The following BLTP3B variants were observed in gnomAD, a reference collection of about 807,000 sequenced individuals.
BLTP3B encodes bridge-like lipid transfer protein family member 3B, also known as UHRF1 (ICBP90) binding protein 1-like.
the BLTP3B span, among the ~76,000 whole-genome samples, chr12:100,131,957 T>C: frequency 6.6e-6 from 1 of 151,954 alleles, no homozygotes; most frequent in African/African-American, 2.4e-5. Flanking sequence ...GCCCGGCTAA[T>C]TTTTTGTATT....
At chr12:100,128,598 GA>G in the BLTP3B span, 3 of 1,269,742 alleles carry the variant, frequency 2.4e-6, no homozygotes, top group Admixed American at 2.5e-5. Flanking sequence ...AGGAAATTCA[GA>G]AAAAGGTCCC....
chr12:100,064,926 G>A, the BLTP3B span, among the ~76,000 whole-genome samples: 43,369 of 148,706 alleles, frequency 0.29, 9,201 homozygotes, highest in African/African-American at 0.6. Flanking sequence ...TACAAGCAAC[G>A]AATAGCATGA....
chr12:100,093,435 C>G, the BLTP3B span, among the ~76,000 whole-genome samples: 3 of 152,166 alleles, frequency 2.0e-5, no homozygotes, highest in Non-Finnish European at 4.4e-5. Flanking sequence ...CTTTAATAAT[C>G]TCTAATAGCT....
chr12:100,070,189 AAC>A, the BLTP3B span: 1 of 1,561,132 alleles, frequency 6.4e-7, no homozygotes, highest in African/African-American at 1.4e-5. Flanking sequence ...ACAAATGAGA[AAC>A]ACACACAGAT....
At chr12:100,054,293 A>T in the BLTP3B span, among the ~76,000 whole-genome samples, 1 of 152,212 alleles carries the variant, frequency 6.6e-6, no homozygotes, top group Non-Finnish European at 1.5e-5. Flanking sequence ...AGCCAAATAC[A>T]TAATATGACA....
At chr12:100,130,207 G>A in the BLTP3B span, among the ~76,000 whole-genome samples, 8 of 152,094 alleles carry the variant, frequency 5.3e-5, no homozygotes, top group East Asian at 3.9e-4. Flanking sequence ...TGATGCGCCC[G>A]CCTTGGCCTC....
the BLTP3B span, among the ~76,000 whole-genome samples, chr12:100,105,256 C>G: frequency 6.6e-6 from 1 of 152,126 alleles, no homozygotes; most frequent in Non-Finnish European, 1.5e-5. Context: ...CTATAGTAAC[C>G]AAAACAGCAT....
the BLTP3B span, among the ~76,000 whole-genome samples, chr12:100,081,480 C>T: frequency 6.6e-6 from 1 of 152,132 alleles, no homozygotes; most frequent in Non-Finnish European, 1.5e-5. Flanking sequence ...AACTGCGTGT[C>T]ACTGGGGTTT....
At chr12:100,077,184 T>C in the BLTP3B span, among the ~76,000 whole-genome samples, 2 of 152,226 alleles carry the variant, frequency 1.3e-5, no homozygotes, top group Non-Finnish European at 2.9e-5. Context: ...GTATTTACTG[T>C]ATTTTTACTG....
At chr12:100,063,477 T>C in the BLTP3B span, among the ~76,000 whole-genome samples, 1 of 151,848 alleles carries the variant, frequency 6.6e-6, no homozygotes, top group Admixed American at 6.6e-5. Flanking sequence ...GAGGTCAAGG[T>C]GGGTGGATCA....
chr12:100,125,070 G>T, the BLTP3B span, among the ~76,000 whole-genome samples: 2 of 145,800 alleles, frequency 1.4e-5, no homozygotes, highest in Non-Finnish European at 3.0e-5. Context: ...AGTGGCTCAC[G>T]CCTGTAATCC....
the BLTP3B span, chr12:100,102,795 T>C: frequency 3.6e-5 from 58 of 1,609,752 alleles, no homozygotes; most frequent in African/African-American, 6.6e-4. Context: ...CAATTGGTGA[T>C]GGGCCATTAG....
the BLTP3B span, among the ~76,000 whole-genome samples, chr12:100,100,369 G>A: frequency 6.6e-6 from 1 of 151,828 alleles, no homozygotes; most frequent in South Asian, 2.1e-4. Context: ...AACCTTTTCT[G>A]GTTCTCAGGG....
At chr12:100,099,265 A>C in the BLTP3B span, among the ~76,000 whole-genome samples, 10 of 151,202 alleles carry the variant, frequency 6.6e-5, no homozygotes, top group Non-Finnish European at 1.5e-5. Context: ...AAGTGATGGG[A>C]TTACAGGCGT....
the BLTP3B span, chr12:100,051,079 C>T: frequency 6.2e-7 from 1 of 1,612,634 alleles, no homozygotes; most frequent in Non-Finnish European, 8.5e-7. Context: ...TGATTATTAC[C>T]AGGTCATCAT....
the BLTP3B span, among the ~76,000 whole-genome samples, chr12:100,111,112 T>C: frequency 6.6e-6 from 1 of 152,122 alleles, no homozygotes; most frequent in African/African-American, 2.4e-5. Context: ...CACTATATTA[T>C]TAATACATAC....
the BLTP3B span, among the ~76,000 whole-genome samples, chr12:100,112,185 T>C: frequency 2.0e-5 from 3 of 152,160 alleles, no homozygotes; most frequent in South Asian, 6.2e-4. Flanking sequence ...AGGATTAAAA[T>C]ATATGTAATT....
At chr12:100,130,690 C>T in the BLTP3B span, among the ~76,000 whole-genome samples, 4 of 152,010 alleles carry the variant, frequency 2.6e-5, no homozygotes, top group Admixed American at 2.0e-4. Flanking sequence ...CCAAGGCAGG[C>T]GGATCACCTG....
At chr12:100,100,656 G>A in the BLTP3B span, among the ~76,000 whole-genome samples, 2 of 151,958 alleles carry the variant, frequency 1.3e-5, no homozygotes, top group East Asian at 1.9e-4. Flanking sequence ...AGGCTGCAGT[G>A]AGCCAAGATC....
Sources: allele counts gnomAD v4.1 joint callset (sites outside exome capture counted in the v4.1 genomes callset), GRCh38; gene constraint gnomAD v4.1.1; transcripts MANE v1.5; gene names NCBI Gene and HGNC (gene_info 2026-07-23, HGNC 2026-07-21).